The following UGT2B28 variants were observed in gnomAD, a reference collection of about 807,000 sequenced individuals.
UGT2B28 encodes the protein UDP-glucuronosyltransferase 2B28.
UGT2B28 carries 45 observed loss-of-function variants against 43.6 expected under a neutral mutation model. That is an observed-to-expected ratio of 1.03 (90% confidence interval 0.81 to 1.32). The LOEUF (loss-of-function observed/expected upper bound fraction) is 1.32. Among genes scored for constraint, UGT2B28 ranks in the 40% most tolerant of loss-of-function variants. The pLI is 0.00. For synonymous variants in UGT2B28, 204 were observed against 208.1 expected (o/e 0.98, Z 0.17); for missense variants, 649 against 625.5 (o/e 1.04, Z -0.40).
chr4:69,280,490 A>G lies in UGT2B28; in HGVS notation c.-11A>G. ...ACAGTGACTTGAAAAGAATGATTGC[A>G]TTGCACCAGGATGGCTCTGAAGTGG... On this transcript the variant is annotated 5_prime_UTR_variant, in exon 1 of 6. Transcript: ENST00000335568. 6.5e-7 allele frequency: 1 copy of G among 1,545,484 alleles called. No individual in the cohort carries two copies. The highest frequency in any genetic ancestry group is 8.7e-7 in the Non-Finnish European group (1 of 1,150,162).
chr4:69,293,242 G>A (rs1724002732), intron 5 of UGT2B28, among the ~76,000 whole-genome samples: 1 of 139,708 alleles, frequency 7.2e-6, no homozygotes, highest in African/African-American at 2.8e-5. Flanking sequence ...TCCTTAGTTG[G>A]AGGACAAAAG....
chr4:69,285,092 A>T (rs1447869977), intron 2 of UGT2B28, among the ~76,000 whole-genome samples: 2 of 139,676 alleles, frequency 1.4e-5, no homozygotes, highest in African/African-American at 5.6e-5. Flanking sequence ...GCCATAGTAC[A>T]GATAATATGA....
chr4:69,285,946 G>C (rs1723761994), intron 2 of UGT2B28, among the ~76,000 whole-genome samples: 1 of 140,832 alleles, frequency 7.1e-6, no homozygotes, highest in African/African-American at 2.8e-5. Flanking sequence ...GTTATAAACA[G>C]CACATCAATT....
chr4:69,292,955 T>A (rs1194236604), intron 5 of UGT2B28, among the ~76,000 whole-genome samples: 2 of 140,758 alleles, frequency 1.4e-5, no homozygotes, highest in African/African-American at 5.5e-5. Context: ...CTCAATTATA[T>A]ACACAACAGA....
chr4:69,290,483 C>A (rs1723919397), intron 4 of UGT2B28, 109 bp from the exon 5 acceptor site: 1 of 1,372,062 alleles, frequency 7.3e-7, no homozygotes, highest in East Asian at 2.4e-5. Context: ...AAAGTAATGG[C>A]AAATTAGTTT....
At chr4:69,287,006 T>TG (rs770231002) in intron 3 of UGT2B28, 123 bp downstream of exon 3, 1 of 1,426,842 alleles carries the variant, frequency 7.0e-7, no homozygotes, top group African/African-American at 1.7e-5. Flanking sequence ...GTCTTAAATA[T>TG]CTTGTGTAGC....
rs1724067313 is a variant in UGT2B28 at position 69,295,039 on chromosome 4, A to T, written c.*230A>T. On this transcript the variant is annotated 3_prime_UTR_variant, in exon 6 of 6. Transcript: ENST00000335568. ...GAAAACACTAGGGAAAATAAAAAAT[A>T]ATATAAAGCCATATGAGCTCATATT... 2 of 430,996 alleles carry T rather than the reference A, an allele frequency of 4.6e-6. No homozygotes were observed. The highest frequency in any genetic ancestry group is 7.1e-6 in the Non-Finnish European group (2 of 281,574). The allele number at this position is 430,996 out of a possible 1,614,324, so 26.7% of individuals were successfully genotyped here.
At chr4:69,284,749 T>TAG (rs1723719382) in intron 2 of UGT2B28, among the ~76,000 whole-genome samples, 1 of 141,018 alleles carries the variant, frequency 7.1e-6, no homozygotes, top group Admixed American at 7.1e-5. Flanking sequence ...AACCAGTTAT[T>TAG]TAACTGTTTA....
intron 4 of UGT2B28, 87 bp downstream of exon 4, chr4:69,289,839 A>T: frequency 7.7e-7 from 1 of 1,304,780 alleles, no homozygotes; most frequent in Non-Finnish European, 1.0e-6. Flanking sequence ...CTTATTGAAT[A>T]TTTATTATAG....
chr4:69,283,041 C>T (rs1192443058), intron 2 of UGT2B28, among the ~76,000 whole-genome samples: 2 of 140,352 alleles, frequency 1.4e-5, no homozygotes, highest in Non-Finnish European at 3.0e-5. Flanking sequence ...ACCTTACATT[C>T]TACTTTGAAA....
In UGT2B28 at chr4:69,280,725, A is replaced by G. The variant is rs1382352880; in HGVS notation, c.225A>G (p.Glu75=). ...ATGACGCATTCACTCTTAAACTCGA[A>G]GTTTATCCTACATCTTTAACTAAAA... is the stretch of plus-strand genomic sequence containing the variant. ...DPNDAFTLKL[E]VYPTSLTKTE... Residue 75 remains glutamate, a synonymous_variant, in exon 1 of 6, where the codon GAA becomes GAG. Coordinates refer to ENST00000335568, the MANE Select transcript of UGT2B28 (RefSeq NM_053039.2). The G allele has an allele frequency of 2.6e-6, 4 of 1,560,864 alleles. 1 individual carries two copies. Among genetic ancestry groups the G allele is most frequent in the Non-Finnish European group, 3.5e-6 (4 of 1,155,966 alleles).
rs776459082 is a variant in UGT2B28, at chr4:69,282,735, C to G, written c.870+73C>G. The G allele has an allele frequency of 1.6e-4, 238 of 1,492,688 alleles. 26 individuals carry two copies. The highest frequency in any genetic ancestry group is 2.0e-4 in the Non-Finnish European group (223 of 1,129,172). The allele number at this position is 1,492,688 out of a possible 1,614,324, so 92.5% of individuals were successfully genotyped here. A position where few individuals can be genotyped will look rare whatever the true frequency, so the allele number is the denominator to read the frequency against. On this transcript the variant is annotated intron_variant, in intron 2 of 5. Transcript: ENST00000335568. Reference sequence around the variant, plus strand: ...TAGAAATGAGTCTATAGCCTTCATTCAAAATGTTTGACTTACACTGAAAGA... The same window carrying G: ...TAGAAATGAGTCTATAGCCTTCATTGAAAATGTTTGACTTACACTGAAAGA...
Position 69,280,705 on chromosome 4 carries a change from G to T in UGT2B28, c.205G>T (p.Ala69Ser). ...SASILFDPND[A>S]FTLKLEVYPT... is the part of the protein sequence containing the mutation. ...TTCCATTCTTTTTGATCCCAATGAC[G>T]CATTCACTCTTAAACTCGAAGTTTA... Residue 69 changes from alanine to serine, a missense_variant, in exon 1 of 6, where the codon GCA (alanine) becomes TCA (serine). By Grantham distance (99) the Ala-to-Ser change is moderately conservative. Coordinates refer to ENST00000335568, the MANE Select transcript of UGT2B28 (RefSeq NM_053039.2). The T allele has an allele frequency of 3.8e-6, 6 of 1,560,358 alleles. 2 individuals carry two copies. The highest frequency in any genetic ancestry group is 5.2e-6 in the Non-Finnish European group (6 of 1,155,860).
Position 69,288,744 on chromosome 4 carries a change from C to T in UGT2B28, c.1003-921C>T, listed in dbSNP as rs1398476999. ...TTTTTCCTGATCCTCTCTTTCCTCC[C>T]ACCCTCCACCATCCTATACATCTCA... On this transcript the variant is annotated intron_variant, in intron 3 of 5. Transcript: ENST00000335568. Among the ~76,000 whole-genome samples the T allele has an allele frequency of 2.2e-5, 3 of 138,548 alleles. 1 individual carries two copies. The highest frequency in any genetic ancestry group is 4.6e-5 in the Non-Finnish European group (3 of 65,320). 90.9% of individuals were successfully genotyped at this position (138,548 alleles called of 152,430 possible).
In UGT2B28 at chr4:69,294,884, T is replaced by C. The variant is rs1434614140; in HGVS notation, c.*75T>C. The C allele has an allele frequency of 1.6e-5, 22 of 1,396,294 alleles. 6 individuals are homozygous for C. The highest frequency in any genetic ancestry group is 2.0e-5 in the Non-Finnish European group (21 of 1,071,832). The allele number at this position is 1,396,294 out of a possible 1,614,324, so 86.5% of individuals were successfully genotyped here. A position where few individuals can be genotyped will look rare whatever the true frequency, so the allele number is the denominator to read the frequency against. The stretch of plus-strand genomic sequence containing the variant: ...GTTTATTCCAGCAAGAAAGAAAAGA[T>C]TGTTATGCAAGATTTCTTTCTTCCT... On this transcript the variant is annotated 3_prime_UTR_variant, in exon 6 of 6. Transcript: ENST00000335568.
chr4:69,283,107 C>A (rs1223601467), intron 2 of UGT2B28, among the ~76,000 whole-genome samples: 1 of 139,214 alleles, frequency 7.2e-6, no homozygotes, highest in Non-Finnish European at 1.5e-5. Flanking sequence ...AAGGAAAAAC[C>A]CAATATCAAG....
chr4:69,282,813 T>C lies in UGT2B28; in HGVS notation c.870+151T>C, dbSNP rs1723657444. On this transcript the variant is annotated intron_variant, in intron 2 of 5. Transcript: ENST00000335568. The stretch of plus-strand genomic sequence containing the variant: ...GATACCAAATAGAAACTCATGTATA[T>C]GTTAATACCATCACATGTATGTGAG... The C allele has an allele frequency of 4.2e-6, 5 of 1,202,648 alleles. 1 individual carries two copies. In the Admixed American group the frequency reaches 9.3e-5, roughly 22 times the overall value. The allele number at this position is 1,202,648 out of a possible 1,614,324, so 74.5% of individuals were successfully genotyped here.
At position 69,289,752 on chromosome 4, in the gene UGT2B28, G is replaced by T; in HGVS notation, c.1090G>T (p.Gly364Cys). 1.3e-6 allele frequency: 2 copies of T among 1,546,722 alleles called. 1 individual carries two copies. Among genetic ancestry groups the T allele is most frequent in the African/African-American group, 3.1e-5 (2 of 65,522 alleles). Reference protein sequence around the residue: ...YKWIPQNDLLGLPKTRAFITH... With the variant: ...YKWIPQNDLLCLPKTRAFITH... ...GTGGATACCCCAGAATGACCTTCTAGGTAACACTCTGGTGAACAAATACTG... is the reference window on the plus strand; with the variant it reads ...GTGGATACCCCAGAATGACCTTCTATGTAACACTCTGGTGAACAAATACTG... The change falls in exon 4 of 6, where the codon GGT becomes TGT. Residue 364 changes from glycine to cysteine, a missense_variant and splice_region_variant. Gly to Cys is a radical substitution (Grantham distance 159). Transcript: ENST00000335568.
chr4:69,280,952 A>ATGCTT lies in UGT2B28; in HGVS notation c.454_458dup (p.Phe153LeufsTer37), dbSNP rs761238874. Reference sequence around the variant, plus strand: ...TCAAGATTTGACATCATTTTTGCAGATGCTTTTTTTCCTTGTGGTGAGCTG... The same window carrying ATGCTT: ...TCAAGATTTGACATCATTTTTGCAGATGCTTTGCTTTTTTTCCTTGTGGTGAGCTG... On this transcript the variant is annotated frameshift_variant, in exon 1 of 6. Transcript: ENST00000335568. LOFTEE classifies it high-confidence loss of function. 4 of 1,560,320 alleles carry ATGCTT rather than the reference A, an allele frequency of 2.6e-6. 1 individual carries two copies. The African/African-American group carries it at 6.0e-5, about 24-fold the overall frequency.
Sources: allele counts gnomAD v4.1 joint callset (sites outside exome capture counted in the v4.1 genomes callset), GRCh38; gene constraint gnomAD v4.1.1; transcripts MANE v1.5; gene names NCBI Gene and HGNC (gene_info 2026-07-23, HGNC 2026-07-21).